Variants in PAQR4 observed in about 807,000 individuals in gnomAD.
PAQR4 encodes the protein progestin and adipoQ receptor family member 4.
PAQR4 carries 26 observed loss-of-function variants against 20.9 expected under a neutral mutation model. The ratio of observed to expected loss-of-function variants is 1.24; its 90% CI spans 0.91 to 1.73. PAQR4 has a LOEUF of 1.73. Ranked by LOEUF, PAQR4 falls within the 40% of genes most tolerant of loss-of-function variation. The pLI, the probability that PAQR4 is intolerant of heterozygous loss-of-function variation, is 0.00. For synonymous variants in PAQR4, 193 were observed against 171.6 expected (o/e 1.12, Z -0.97); for missense variants, 400 against 380.1 (o/e 1.05, Z -0.44).
At chr16:2,970,483 G>A (rs1423277338) in intron 1 of PAQR4, among the ~76,000 whole-genome samples, 2 of 152,244 alleles carry the variant, frequency 1.3e-5, no homozygotes, top group African/African-American at 4.8e-5. Flanking sequence ...GCCCCTGGGA[G>A]GCCAGTACTA....
chr16:2,969,796 G>T lies in PAQR4; in HGVS notation c.122G>T (p.Ser41Ile), dbSNP rs752523225. ...AGCAGCGGCTCGGGCTGCCTGCGCA[G>T]CCTCTTCTACCTGCACAACGAACTG... The part of the protein sequence containing the change: ...PASSGSGCLR[S>I]LFYLHNELGN... The change falls in exon 1 of 3, where the codon AGC becomes ATC. Residue 41 changes from serine to isoleucine, a missense_variant. By Grantham distance (142) the Ser-to-Ile change is moderately radical. Coordinates refer to ENST00000318782, the MANE Select transcript of PAQR4 (RefSeq NM_152341.5). The T allele has an allele frequency of 2.5e-6, 4 of 1,610,040 alleles. No homozygotes were observed. The East Asian group carries it at 6.7e-5, about 27-fold the overall frequency.
rs540474058 is a variant in PAQR4 at position 2,973,186 on chromosome 16, G to A, written c.*1238G>A. 12 of 1,523,706 alleles carry A rather than the reference G, an allele frequency of 7.9e-6. No individual in the cohort carries two copies. In the East Asian group the frequency reaches 2.6e-4, roughly 32 times the overall value. The allele number at this position is 1,523,706 out of a possible 1,614,324, so 94.4% of individuals were successfully genotyped here. ...GGTGGAGGTGCTCCCCACAGTCCGGGCCAGGACAGCCTCAGGGGAGAGTGA... is the reference window on the plus strand; with the variant it reads ...GGTGGAGGTGCTCCCCACAGTCCGGACCAGGACAGCCTCAGGGGAGAGTGA... On this transcript the variant is annotated 3_prime_UTR_variant, in exon 3 of 3. Transcript: ENST00000318782.
rs1243867101 is a variant in PAQR4, at chr16:2,973,185, G to C, written c.*1237G>C. The C allele has an allele frequency of 6.6e-7, 1 of 1,524,872 alleles. No individual in the cohort carries two copies. Among genetic ancestry groups the C allele is most frequent in the Non-Finnish European group, 8.8e-7 (1 of 1,131,430 alleles). The allele number at this position is 1,524,872 out of a possible 1,614,324, so 94.5% of individuals were successfully genotyped here. ...GGGTGGAGGTGCTCCCCACAGTCCG[G>C]GCCAGGACAGCCTCAGGGGAGAGTG... is the stretch of plus-strand genomic sequence containing the variant. On this transcript the variant is annotated 3_prime_UTR_variant, in exon 3 of 3. Coordinates refer to ENST00000318782, the MANE Select transcript of PAQR4 (RefSeq NM_152341.5).
At chr16:2,970,549 T>A (rs1414467583) in intron 1 of PAQR4, among the ~76,000 whole-genome samples, 1 of 152,030 alleles carries the variant, frequency 6.6e-6, no homozygotes, top group African/African-American at 2.4e-5. Context: ...GGAATCAAAC[T>A]CCCCAGGGAG....
In PAQR4 at chr16:2,971,721, G is replaced by T. The variant is rs1217779745; in HGVS notation, c.595G>T (p.Ala199Ser). The change falls in exon 3 of 3, where the codon GCT becomes TCT. Residue 199 changes from alanine to serine, a missense_variant. Transcript: ENST00000318782. ...GARGVGLGSG[A>S]PGSLPCYLRM... is the part of the protein sequence containing the mutation. The stretch of plus-strand genomic sequence containing the variant: ...CCGGGGAGTGGGTCTGGGTTCAGGG[G>T]CTCCAGGCTCCCTGCCCTGCTACCT... 2.5e-6 allele frequency: 4 copies of T among 1,612,494 alleles called. No homozygotes were observed. The highest frequency in any genetic ancestry group is 2.2e-5 in the South Asian group (2 of 91,064).
rs1199388253 is a variant in PAQR4 at position 2,971,997 on chromosome 16, A to T, written c.*49A>T. 2 of 1,492,280 alleles carry T rather than the reference A, an allele frequency of 1.3e-6. No individual in the cohort carries two copies. Among genetic ancestry groups the T allele is most frequent in the African/African-American group, 2.8e-5 (2 of 71,914 alleles). The allele number at this position is 1,492,280 out of a possible 1,614,324, so 92.4% of individuals were successfully genotyped here. A position where few individuals can be genotyped will look rare whatever the true frequency, so the allele number is the denominator to read the frequency against. Reference sequence around the variant, plus strand: ...GCAGCCTCCTAGAGTTAGCAACACCAGGTGTTCCTCCCAACTCGTCTGCAA... The same window carrying T: ...GCAGCCTCCTAGAGTTAGCAACACCTGGTGTTCCTCCCAACTCGTCTGCAA... On this transcript the variant is annotated 3_prime_UTR_variant, in exon 3 of 3. Coordinates refer to ENST00000318782, the MANE Select transcript of PAQR4 (RefSeq NM_152341.5).
rs1270789180 is a variant in PAQR4 at position 2,969,828 on chromosome 16, A to G, written c.154A>G (p.Ile52Val). 2.5e-6 allele frequency: 4 copies of G among 1,610,356 alleles called. No homozygotes were observed. The highest frequency in any genetic ancestry group is 3.4e-6 in the Non-Finnish European group (4 of 1,178,864). Residue 52 changes from isoleucine to valine, a missense_variant, in exon 1 of 3, where the codon ATC becomes GTC. Transcript: ENST00000318782. Reference sequence around the variant, plus strand: ...CTACCTGCACAACGAACTGGGCAACATCTACACGCACGGTGAGCCGCGTCC... The same window carrying G: ...CTACCTGCACAACGAACTGGGCAACGTCTACACGCACGGTGAGCCGCGTCC... The part of the protein sequence containing the change: ...LFYLHNELGN[I>V]YTHGLALLGF...
intron 1 of PAQR4, chr16:2,970,259 G>T (rs976748784): frequency 2.1e-4 from 38 of 178,918 alleles, no homozygotes; most frequent in Non-Finnish European, 4.7e-5. Flanking sequence ...GCTCTGTCTT[G>T]GGGCTCCGCC....
Position 2,971,723 on chromosome 16 carries a change from T to G in PAQR4, c.597T>G (p.Ala199=). Reference sequence around the variant, plus strand: ...GGGGAGTGGGTCTGGGTTCAGGGGCTCCAGGCTCCCTGCCCTGCTACCTGC... The same window carrying G: ...GGGGAGTGGGTCTGGGTTCAGGGGCGCCAGGCTCCCTGCCCTGCTACCTGC... The part of the protein sequence containing the change: ...GARGVGLGSG[A]PGSLPCYLRM... The change falls in exon 3 of 3, where the codon GCT becomes GCG. Residue 199 remains alanine (A), a synonymous_variant. Coordinates refer to ENST00000318782, the MANE Select transcript of PAQR4 (RefSeq NM_152341.5). 1 of 1,612,576 alleles carries G rather than the reference T, an allele frequency of 6.2e-7. No homozygotes were observed. Among genetic ancestry groups the G allele is most frequent in the South Asian group, 1.1e-5 (1 of 91,062 alleles).
In PAQR4 at chr16:2,971,200, GC is replaced by G; in HGVS notation, c.213del (p.Trp72GlyfsTer148). The G allele has an allele frequency of 6.2e-7, 1 of 1,613,408 alleles. No individual in the cohort carries two copies. The highest frequency in any genetic ancestry group is 8.5e-7 in the Non-Finnish European group (1 of 1,180,016). On this transcript the variant is annotated frameshift_variant, in exon 2 of 3. Coordinates refer to ENST00000318782, the MANE Select transcript of PAQR4 (RefSeq NM_152341.5). LOFTEE classifies it high-confidence loss of function. Reference protein sequence around the residue: ...GFLVLVPMTMPWGQLGKDGWL... With the variant: ...GFLVLVPMTMXWGQLGKDGWL... The stretch of plus-strand genomic sequence containing the variant: ...TCCTGGTGCTGGTGCCAATGACCAT[GC>G]CCTGGGGTCAGCTGGGCAAGGATGG...
rs1041260334 is a variant in PAQR4, at chr16:2,969,423, C to A, written c.-252C>A. ...GCGCGTCTGCCTTGGCGGAGCCGAC[C>A]GCAGTGCGCTCAGGCGTCCGGTGCG... On this transcript the variant is annotated 5_prime_UTR_variant, in exon 1 of 3. Transcript: ENST00000318782. 4.6e-6 allele frequency: 1 copy of A among 216,182 alleles called. No individual in the cohort carries two copies. The highest frequency in any genetic ancestry group is 1.7e-4 in the South Asian group (1 of 5,966). The allele number at this position is 216,182 out of a possible 1,614,324, so 13.4% of individuals were successfully genotyped here.
intron 1 of PAQR4, 157 bp downstream of exon 1, chr16:2,969,997 C>A: frequency 9.7e-7 from 1 of 1,031,176 alleles, no homozygotes; most frequent in Non-Finnish European, 1.4e-6. Context: ...GCCATTGTCC[C>A]GGGCCGCGCT....
In PAQR4 at chr16:2,972,212, T is replaced by C; in HGVS notation, c.*264T>C. On this transcript the variant is annotated 3_prime_UTR_variant, in exon 3 of 3. Transcript: ENST00000318782. ...AAACCTTTCCCTCTTGGGACCTCTT[T>C]ACCCTCTGTGACCTGTGGGGTTAGA... 1.8e-6 allele frequency: 1 copy of C among 552,250 alleles called. No homozygotes were observed. Among genetic ancestry groups the C allele is most frequent in the East Asian group, 3.0e-5 (1 of 33,344 alleles). The allele number at this position is 552,250 out of a possible 1,614,324, so 34.2% of individuals were successfully genotyped here.
chr16:2,969,644 A>G lies in PAQR4; in HGVS notation c.-31A>G. ...ACTGAGGAGGAGGCTCGGGGACAGC[A>G]GGAGCACGGGCTGCCCGCGCGGTGC... On this transcript the variant is annotated 5_prime_UTR_variant, in exon 1 of 3. Transcript: ENST00000318782. 6.7e-7 allele frequency: 1 copy of G among 1,483,104 alleles called. No homozygotes were observed. Among genetic ancestry groups the G allele is most frequent in the Non-Finnish European group, 8.9e-7 (1 of 1,119,114 alleles). The allele number at this position is 1,483,104 out of a possible 1,614,324, so 91.9% of individuals were successfully genotyped here. A position where few individuals can be genotyped will look rare whatever the true frequency, so the allele number is the denominator to read the frequency against.
chr16:2,971,500 TCTC>T lies in PAQR4; in HGVS notation c.389-11_389-9del. 2 of 1,578,818 alleles carry T rather than the reference TCTC, an allele frequency of 1.3e-6. No homozygotes were observed. Among genetic ancestry groups the T allele is most frequent in the African/African-American group, 1.3e-5 (1 of 74,630 alleles). ...CACAATGACATGCCCTCTCCTGTTC[TCTC>T]CTCTTGTGCAGGGGCCCTGCCCATC... On this transcript the variant is annotated splice_polypyrimidine_tract_variant and intron_variant, in intron 2 of 2. Coordinates refer to ENST00000318782, the MANE Select transcript of PAQR4 (RefSeq NM_152341.5).
At position 2,971,464 on chromosome 16, in the gene PAQR4, G is replaced by A. The variant is rs368531633; in HGVS notation, c.389-51G>A. On this transcript the variant is annotated intron_variant, in intron 2 of 2. Coordinates refer to ENST00000318782, the MANE Select transcript of PAQR4 (RefSeq NM_152341.5). ...ATACAAGCCATGGGTAGGGAAGGGC[G>A]GGTGGACCCTCACAATGACATGCCC... 69 of 1,572,952 alleles carry A rather than the reference G, an allele frequency of 4.4e-5. No homozygotes were observed. In the Middle Eastern group the frequency reaches 1.3e-3, roughly 30 times the overall value.
Position 2,972,345 on chromosome 16 carries a change from C to T in PAQR4, c.*397C>T. ...CCTGTTCCTCCCACCAGGCCTGTGG[C>T]CAGTCTTCCTGATCTCCATCTTTCT... is the stretch of plus-strand genomic sequence containing the variant. On this transcript the variant is annotated 3_prime_UTR_variant, in exon 3 of 3. Coordinates refer to ENST00000318782, the MANE Select transcript of PAQR4 (RefSeq NM_152341.5). 1.9e-6 allele frequency: 1 copy of T among 527,088 alleles called. No homozygotes were observed. Among genetic ancestry groups the T allele is most frequent in the South Asian group, 2.5e-5 (1 of 39,386 alleles). 32.7% of individuals were successfully genotyped at this position (527,088 alleles called of 1,614,324 possible).
chr16:2,971,522 G>A lies in PAQR4; in HGVS notation c.396G>A (p.Leu132=). The A allele has an allele frequency of 6.3e-7, 1 of 1,585,326 alleles. No individual in the cohort carries two copies. Among genetic ancestry groups the A allele is most frequent in the African/African-American group, 1.3e-5 (1 of 74,730 alleles). The change falls in exon 3 of 3, where the codon CTG becomes CTA. Residue 132 remains leucine (L), a synonymous_variant. Coordinates refer to ENST00000318782, the MANE Select transcript of PAQR4 (RefSeq NM_152341.5). ...GVCLVNTLGA[L]PIIHCTLACR... is the part of the protein sequence containing the mutation. Reference sequence around the variant, plus strand: ...TTCTCTCCTCTTGTGCAGGGGCCCTGCCCATCATCCACTGCACCCTGGCCT... The same window carrying A: ...TTCTCTCCTCTTGTGCAGGGGCCCTACCCATCATCCACTGCACCCTGGCCT...
chr16:2,969,832 A>G lies in PAQR4; in HGVS notation c.158A>G (p.Tyr53Cys). The change falls in exon 1 of 3, where the codon TAC (tyrosine) becomes TGC (cysteine). Residue 53 changes from tyrosine to cysteine, a missense_variant. Transcript: ENST00000318782. Reference protein sequence around the residue: ...FYLHNELGNIYTHGLALLGFL... With the variant: ...FYLHNELGNICTHGLALLGFL... ...CTGCACAACGAACTGGGCAACATCT[A>G]CACGCACGGTGAGCCGCGTCCCGCA... is the stretch of plus-strand genomic sequence containing the variant. 6.2e-7 allele frequency: 1 copy of G among 1,610,014 alleles called. No homozygotes were observed. The highest frequency in any genetic ancestry group is 8.5e-7 in the Non-Finnish European group (1 of 1,178,740).
Sources: allele counts gnomAD v4.1 joint callset (sites outside exome capture counted in the v4.1 genomes callset), GRCh38; gene constraint gnomAD v4.1.1; transcripts MANE v1.5; gene names NCBI Gene and HGNC (gene_info 2026-07-23, HGNC 2026-07-21).